Variants in GPR137B observed in about 807,000 individuals in gnomAD.
GPR137B encodes G protein-coupled receptor 137B, also known as integral membrane protein GPR137B.
A neutral mutation model predicts 42.5 loss-of-function variants in GPR137B; 42 were observed. The ratio of observed to expected loss-of-function variants is 0.99; its 90% CI spans 0.77 to 1.28. The LOEUF (loss-of-function observed/expected upper bound fraction) is 1.28, where lower values mean the gene tolerates loss of function less well. Among genes scored for constraint, GPR137B ranks in the 50% most tolerant of loss-of-function variants. The probability of loss-of-function intolerance (pLI) is 0.00; values close to 1 mark genes in which losing one functional copy is unlikely to be tolerated. For missense variants in GPR137B, 487 were observed against 493.9 expected (o/e 0.99, Z 0.13); for synonymous variants, 218 against 209.7 (o/e 1.04, Z -0.34).
chr1:236,207,697 G>C (rs1663703180), intron 6 of GPR137B, among the ~76,000 whole-genome samples: 3 of 152,320 alleles, frequency 2.0e-5, no homozygotes, highest in Admixed American at 6.5e-5. Context: ...TGAGGAAATT[G>C]AGGCATAGAA....
At chr1:236,168,450 A>G (rs1002556935) in intron 1 of GPR137B, among the ~76,000 whole-genome samples, 2 of 152,012 alleles carry the variant, frequency 1.3e-5, no homozygotes, top group Non-Finnish European at 2.9e-5. Flanking sequence ...AAGAATCTGA[A>G]CAGAAGTACT....
At chr1:236,153,397 C>T (rs1429661104) in intron 1 of GPR137B, among the ~76,000 whole-genome samples, 2 of 152,212 alleles carry the variant, frequency 1.3e-5, no homozygotes, top group Non-Finnish European at 2.9e-5. Context: ...TACGTCTTCT[C>T]CTTTCTCCTA....
At chr1:236,145,893 T>G (rs1193041663) in intron 1 of GPR137B, among the ~76,000 whole-genome samples, 1 of 152,164 alleles carries the variant, frequency 6.6e-6, no homozygotes, top group African/African-American at 2.4e-5. Flanking sequence ...TTTATTTTAT[T>G]TTTTGAGATA....
chr1:236,190,022 G>A (rs2102918651), intron 5 of GPR137B, among the ~76,000 whole-genome samples: 1 of 152,232 alleles, frequency 6.6e-6, no homozygotes, highest in African/African-American at 2.4e-5. Context: ...ATATATTTAG[G>A]ATAGTTAGCT....
intron 2 of GPR137B, among the ~76,000 whole-genome samples, chr1:236,169,805 C>T (rs767833218): frequency 2.0e-5 from 3 of 151,914 alleles, no homozygotes; most frequent in Admixed American, 1.3e-4. Context: ...TTTGGGAGGC[C>T]GAGGTGGGCT....
chr1:236,190,628 AT>A (rs1322440176), intron 5 of GPR137B, among the ~76,000 whole-genome samples: 8 of 150,914 alleles, frequency 5.3e-5, no homozygotes, highest in African/African-American at 1.9e-4. Flanking sequence ...TGGGTTGAAA[AT>A]TTTTTTCTTT....
At chr1:236,148,459 A>T (rs1057514860) in intron 1 of GPR137B, among the ~76,000 whole-genome samples, 1 of 152,150 alleles carries the variant, frequency 6.6e-6, no homozygotes, top group Non-Finnish European at 1.5e-5. Context: ...CTTGGGCCCT[A>T]TGACAAACTC....
At chr1:236,185,218 G>A (rs1224672687) in intron 5 of GPR137B, among the ~76,000 whole-genome samples, 2 of 152,160 alleles carry the variant, frequency 1.3e-5, no homozygotes, top group Non-Finnish European at 2.9e-5. Flanking sequence ...CTCTTGGGGG[G>A]AAATCTATAA....
chr1:236,166,494 AT>A (rs1662360412), intron 1 of GPR137B, among the ~76,000 whole-genome samples: 4 of 138,738 alleles, frequency 2.9e-5, no homozygotes, highest in African/African-American at 8.9e-5. Context: ...TTATATATAC[AT>A]ATATATATTT....
intron 1 of GPR137B, among the ~76,000 whole-genome samples, chr1:236,164,580 C>T (rs182159216): frequency 1.3e-5 from 2 of 152,316 alleles, no homozygotes; most frequent in East Asian, 1.9e-4. Context: ...CGGACACCCA[C>T]CAGTCTTTAG....
At chr1:236,169,906 A>G (rs1294492371) in intron 2 of GPR137B, among the ~76,000 whole-genome samples, 1 of 152,004 alleles carries the variant, frequency 6.6e-6, no homozygotes, top group South Asian at 2.1e-4. Context: ...CGGGCGAGGT[A>G]GCGCACATCT....
chr1:236,195,648 G>A (rs1663310806), intron 5 of GPR137B, among the ~76,000 whole-genome samples: 1 of 152,166 alleles, frequency 6.6e-6, no homozygotes. Flanking sequence ...GGATCATGTG[G>A]TAGCTCAATT....
rs1260067411 is a variant in GPR137B, at chr1:236,150,734, C to T, written c.414+7698C>T. On this transcript the variant is annotated intron_variant, in intron 1 of 6. Transcript: ENST00000366592. The surrounding 1 kb of genome is among the most constrained non-coding windows in gnomAD (Gnocchi z 6.2). ...GCACCTGCAGGCTTTGCTACGGCTT[C>T]TTGCTCACCTGCCTTTCCGTAGTCA... 6.6e-6 allele frequency among the ~76,000 whole-genome samples: 1 copy of T among 152,212 alleles called. No individual in the cohort carries two copies. Among genetic ancestry groups the T allele is most frequent in the Non-Finnish European group, 1.5e-5 (1 of 68,036 alleles).
At chr1:236,166,079 A>G (rs79348462) in intron 1 of GPR137B, among the ~76,000 whole-genome samples, 1,977 of 152,316 alleles carry the variant, frequency 0.013, 20 homozygotes, top group South Asian at 0.025. Flanking sequence ...ACAGATTTTT[A>G]TATTGAACGG....
chr1:236,157,369 G>A lies in GPR137B; in HGVS notation c.415-11337G>A, dbSNP rs563009046. On this transcript the variant is annotated intron_variant, in intron 1 of 6. Transcript: ENST00000366592. ...CTCCCCAGTGGCTGGGACTACAGGC[G>A]CCCGCCACCACGCCCGGCTAATTTT... 1.1e-4 allele frequency among the ~76,000 whole-genome samples: 16 copies of A among 152,200 alleles called. No homozygotes were observed. In the East Asian group the frequency reaches 1.9e-3, roughly 18 times the overall value.
chr1:236,178,199 T>G (rs1662745480), intron 2 of GPR137B, among the ~76,000 whole-genome samples: 1 of 152,026 alleles, frequency 6.6e-6, no homozygotes, highest in Non-Finnish European at 1.5e-5. Flanking sequence ...ATCCCACAGA[T>G]GGGGAAAGTG....
At chr1:236,161,086 G>A (rs888204182) in intron 1 of GPR137B, among the ~76,000 whole-genome samples, 2 of 151,774 alleles carry the variant, frequency 1.3e-5, no homozygotes, top group African/African-American at 2.4e-5. Flanking sequence ...CCAATTCCCC[G>A]CCACGCCCTC....
chr1:236,175,151 C>T (rs1662648486), intron 2 of GPR137B, among the ~76,000 whole-genome samples: 1 of 152,126 alleles, frequency 6.6e-6, no homozygotes, highest in South Asian at 2.1e-4. Flanking sequence ...ATGATTGTGC[C>T]ACTGCATTCC....
intron 3 of GPR137B, among the ~76,000 whole-genome samples, 188 bp downstream of exon 3, chr1:236,178,824 G>A: frequency 4.4e-5 from 1 of 22,912 alleles, no homozygotes; most frequent in African/African-American, 8.3e-5. Flanking sequence ...TTGAGACGGA[G>A]TCTCACTCTG....
Sources: gnomAD v4.1 joint callset for allele counts (sites outside exome capture counted in the v4.1 genomes callset) on GRCh38, gnomAD v4.1.1 for gene constraint, Gnocchi (gnomAD v3.1) non-coding constraint, MANE v1.5 for transcripts, NCBI Gene and HGNC (gene_info 2026-07-23, HGNC 2026-07-21) for gene names.